Variants in KIF6 observed in about 807,000 individuals in gnomAD.
The protein encoded by KIF6 is kinesin family member 6.
KIF6 carries 106 observed loss-of-function variants against 112.7 expected under a neutral mutation model. That is an observed-to-expected ratio of 0.94 (90% CI 0.80 to 1.11). The LOEUF is 1.11. Among genes scored for constraint, KIF6 ranks in the 50% least tolerant of loss-of-function variants. The probability of loss-of-function intolerance (pLI) is 0.00; values close to 1 mark genes in which losing one functional copy is unlikely to be tolerated. For missense variants in KIF6, 929 were observed against 964.0 expected (o/e 0.96, Z 0.48); for synonymous variants, 339 against 339.9 (o/e 1.00, Z 0.03).
At chr6:39,536,936 A>G (rs1317025931) in intron 13 of KIF6, among the ~76,000 whole-genome samples, 1 of 152,118 alleles carries the variant, frequency 6.6e-6, no homozygotes, top group Non-Finnish European at 1.5e-5. Context: ...AATGTAATCC[A>G]GCATATAAAC....
At position 39,362,477 on chromosome 6, in the gene KIF6, G is replaced by A; in HGVS notation, c.1903C>T (p.Gln635Ter). The A allele has an allele frequency of 1.2e-6, 2 of 1,614,136 alleles. No individual in the cohort carries two copies. Among genetic ancestry groups the A allele is most frequent in the Non-Finnish European group, 1.7e-6 (2 of 1,179,986 alleles). Residue 635 changes from glutamine (Q) to a stop codon, truncating the protein, a stop_gained, in exon 17 of 23, where the codon CAG becomes TAG. Coordinates refer to ENST00000287152, the MANE Select transcript of KIF6 (RefSeq NM_145027.6). LOFTEE classifies it high-confidence loss of function. Reference sequence around the variant, plus strand: ...AGTTGTGATCGCAGCTTCTCCTCCTGCTGGTCTGGCATCAGAGGCACGGCC... The same window carrying A: ...AGTTGTGATCGCAGCTTCTCCTCCTACTGGTCTGGCATCAGAGGCACGGCC... ...NMAVPLMPDQ[Q>*]EEKLRSQLEE...
intron 13 of KIF6, among the ~76,000 whole-genome samples, chr6:39,449,769 G>A (rs1772564348): frequency 6.6e-6 from 1 of 152,140 alleles, no homozygotes; most frequent in Non-Finnish European, 1.5e-5. Context: ...GTACCAGATT[G>A]GCACACCTGC....
At chr6:39,444,967 GGA>G (rs1772211957) in intron 13 of KIF6, among the ~76,000 whole-genome samples, 2 of 152,304 alleles carry the variant, frequency 1.3e-5, no homozygotes, top group South Asian at 4.1e-4. Context: ...ACACCTGGGA[GGA>G]GCCGCATCAC....
At chr6:39,354,196 C>T (rs1764469757) in intron 19 of KIF6, 1 of 301,344 alleles carries the variant, frequency 3.3e-6, no homozygotes, top group Non-Finnish European at 6.6e-6. Context: ...TTGCCACCCT[C>T]CTGTCTCAGG....
At chr6:39,710,950 C>G (rs1789514517) in intron 3 of KIF6, among the ~76,000 whole-genome samples, 1 of 151,718 alleles carries the variant, frequency 6.6e-6, no homozygotes, top group Admixed American at 6.6e-5. Flanking sequence ...TCGTTTAAGT[C>G]CAGCAGATCA....
intron 13 of KIF6, among the ~76,000 whole-genome samples, chr6:39,451,602 A>AT (rs1772706724): frequency 6.6e-6 from 1 of 152,118 alleles, no homozygotes; most frequent in Admixed American, 6.6e-5. Flanking sequence ...TTACACCTGT[A>AT]TGTGTACATC....
At chr6:39,384,332 C>T (rs1476779441) in intron 16 of KIF6, among the ~76,000 whole-genome samples, 2 of 152,316 alleles carry the variant, frequency 1.3e-5, no homozygotes, top group Non-Finnish European at 2.9e-5. Flanking sequence ...TACAGTTTTC[C>T]AGCAGAGGTC....
intron 14 of KIF6, among the ~76,000 whole-genome samples, chr6:39,430,129 A>T (rs1771049975): frequency 6.6e-6 from 1 of 151,982 alleles, no homozygotes; most frequent in African/African-American, 2.4e-5. Context: ...CTATCAGGAC[A>T]TTATTTTCTC....
At chr6:39,417,823 TG>T (rs1375381737) in intron 15 of KIF6, among the ~76,000 whole-genome samples, 20 of 152,346 alleles carry the variant, frequency 1.3e-4, no homozygotes, top group African/African-American at 4.3e-4. Flanking sequence ...GGTTTTATTT[TG>T]GTTTACAGAG....
intron 3 of KIF6, among the ~76,000 whole-genome samples, chr6:39,681,791 C>T (rs302563): frequency 0.89 from 134,819 of 152,188 alleles, 60,280 homozygotes; most frequent in East Asian, 0.97. Flanking sequence ...TGACAAATTC[C>T]GCTATAACAA....
chr6:39,405,395 C>G (rs1769009764), intron 15 of KIF6, among the ~76,000 whole-genome samples: 1 of 152,120 alleles, frequency 6.6e-6, no homozygotes, highest in African/African-American at 2.4e-5. Flanking sequence ...CCTTTGTATT[C>G]TAGTTTGCTG....
At chr6:39,348,016 C>T (rs9462535) in intron 19 of KIF6, among the ~76,000 whole-genome samples, 3 of 152,052 alleles carry the variant, frequency 2.0e-5, no homozygotes, top group Admixed American at 2.0e-4. Flanking sequence ...AGGTAGCCAC[C>T]AGGTGGCAGG....
intron 13 of KIF6, among the ~76,000 whole-genome samples, chr6:39,465,185 G>A (rs1239327006): frequency 1.3e-5 from 2 of 152,196 alleles, no homozygotes; most frequent in African/African-American, 4.8e-5. Context: ...CCTTGAAAGA[G>A]ATGGTCTCTG....
At chr6:39,364,340 C>T (rs1482234659) in intron 16 of KIF6, among the ~76,000 whole-genome samples, 3 of 152,052 alleles carry the variant, frequency 2.0e-5, no homozygotes, top group African/African-American at 4.8e-5. Context: ...AGGATGGTCT[C>T]GATCTCTTGA....
chr6:39,651,379 A>G (rs1005934007), intron 3 of KIF6, among the ~76,000 whole-genome samples: 1 of 152,178 alleles, frequency 6.6e-6, no homozygotes, highest in Non-Finnish European at 1.5e-5. Context: ...GAGAGACTGG[A>G]AAGCGGAAAG....
chr6:39,489,823 G>T (rs1019310478), intron 13 of KIF6, among the ~76,000 whole-genome samples: 2 of 152,142 alleles, frequency 1.3e-5, no homozygotes, highest in Non-Finnish European at 1.5e-5. Context: ...AAAAATTAAG[G>T]TCTTCTTTAG....
intron 3 of KIF6, among the ~76,000 whole-genome samples, chr6:39,668,970 A>C (rs982594228): frequency 7.9e-5 from 12 of 152,182 alleles, no homozygotes; most frequent in Admixed American, 7.2e-4. Context: ...CTAGTCCATA[A>C]AATCCTTATT....
intron 13 of KIF6, among the ~76,000 whole-genome samples, chr6:39,518,539 A>C (rs917201349): frequency 2.0e-5 from 3 of 152,260 alleles, no homozygotes; most frequent in Non-Finnish European, 4.4e-5. Flanking sequence ...AGGACTTGAA[A>C]TATGAAGTAC....
At chr6:39,596,377 C>T (rs1401341307) in intron 6 of KIF6, 117 bp from the exon 7 acceptor site, 6 of 728,550 alleles carry the variant, frequency 8.2e-6, no homozygotes, top group Non-Finnish European at 1.4e-5. Context: ...CAACTGTCAA[C>T]TGGAGCAAAA....
Sources: gnomAD v4.1 joint callset for allele counts (sites outside exome capture counted in the v4.1 genomes callset) on GRCh38, gnomAD v4.1.1 for gene constraint, MANE v1.5 for transcripts, NCBI Gene and HGNC (gene_info 2026-07-23, HGNC 2026-07-21) for gene names.